The following CYP2C8 variants were observed in gnomAD, a reference collection of about 807,000 sequenced individuals.
CYP2C8 encodes the protein cytochrome P450 family 2 subfamily C member 8, also known as cytochrome P450 2C8.
CYP2C8 carries 51 observed loss-of-function variants against 41.3 expected under a neutral mutation model. The ratio of observed to expected loss-of-function variants is 1.24; its 90% CI spans 0.99 to 1.56. CYP2C8 has a LOEUF of 1.56. CYP2C8 is among the 40% of genes most tolerant of loss of function. CYP2C8 has a pLI of 0.00. For synonymous variants in CYP2C8, 218 were observed against 205.8 expected (o/e 1.06, Z -0.51); for missense variants, 651 against 579.9 (o/e 1.12, Z -1.26).
At chr10:95,041,065 C>G (rs1469340665) in intron 7 of CYP2C8, 1 of 439,344 alleles carries the variant, frequency 2.3e-6, no homozygotes, top group East Asian at 7.0e-5. Flanking sequence ...TTTGTGTATA[C>G]TTATGTATAT....
In CYP2C8 at chr10:95,043,088, A is replaced by G. The variant is rs773306955; in HGVS notation, c.962-11T>C. 1.9e-6 allele frequency: 3 copies of G among 1,613,788 alleles called. No homozygotes were observed. Among genetic ancestry groups the G allele is most frequent in the Middle Eastern group, 1.6e-4 (1 of 6,062 alleles). ...CTTCCTGGACTTTAGCTGACAAGAC[A>G]CAAGAAAGAACTGATGGAAACGAAG... is the stretch of plus-strand genomic sequence containing the variant. On this transcript the variant is annotated splice_polypyrimidine_tract_variant and intron_variant, in intron 6 of 8. Coordinates refer to ENST00000371270, the MANE Select transcript of CYP2C8 (RefSeq NM_000770.3).
rs1309872949 is a variant in CYP2C8, at chr10:95,037,037, G to C, written c.*91C>G. 1 of 1,195,042 alleles carries C rather than the reference G, an allele frequency of 8.4e-7. No homozygotes were observed. The highest frequency in any genetic ancestry group is 1.2e-6 in the Non-Finnish European group (1 of 806,956). 74.0% of individuals were successfully genotyped at this position (1,195,042 alleles called of 1,614,324 possible). On this transcript the variant is annotated 3_prime_UTR_variant, in exon 9 of 9. Transcript: ENST00000371270. ...TTGAGTGAATGGGAAGATTTGATGA[G>C]AGGTCAGAGAAGACATAATAGTGGG...
chr10:95,042,421 T>G (rs919446203), intron 7 of CYP2C8, among the ~76,000 whole-genome samples: 1 of 151,886 alleles, frequency 6.6e-6, no homozygotes, highest in Admixed American at 6.6e-5. Context: ...AATTAAAAAA[T>G]TATAACACAA....
chr10:95,064,057 G>C (rs2033500687), intron 4 of CYP2C8, among the ~76,000 whole-genome samples: 1 of 152,208 alleles, frequency 6.6e-6, no homozygotes, highest in Admixed American at 6.5e-5. Context: ...GTGCCTCCCA[G>C]TTAGGCTATT....
chr10:95,043,052 A>G lies in CYP2C8; in HGVS notation c.987T>C (p.His329=). 6.2e-7 allele frequency: 1 copy of G among 1,614,232 alleles called. No individual in the cohort carries two copies. Among genetic ancestry groups the G allele is most frequent in the Non-Finnish European group, 8.5e-7 (1 of 1,180,032 alleles). ...VTAKVQEEID[H]VIGRHRSPCM... is the part of the protein sequence containing the mutation. ...AGGGGCTCCTGTGTCTGCCAATTAC[A>G]TGATCAATCTCTTCCTGGACTTTAG... The change falls in exon 7 of 9, where the codon CAT becomes CAC. Residue 329 remains histidine (H), a synonymous_variant. Coordinates refer to ENST00000371270, the MANE Select transcript of CYP2C8 (RefSeq NM_000770.3).
At position 95,041,783 on chromosome 10, in the gene CYP2C8, G is replaced by A. The variant is rs1330797523; in HGVS notation, c.1149+1107C>T. 4.2e-3 allele frequency among the ~76,000 whole-genome samples: 224 copies of A among 52,816 alleles called. 1 individual carries two copies. The highest frequency in any genetic ancestry group is 0.016 in the African/African-American group (199 of 12,638). 34.6% of individuals were successfully genotyped at this position (52,816 alleles called of 152,430 possible). ...AGCCTGGGCGACAGAGCGAGACTCC[G>A]TCTCAAAAAAAAAAAAAAAAAAAAA... On this transcript the variant is annotated intron_variant, in intron 7 of 8. Coordinates refer to ENST00000371270, the MANE Select transcript of CYP2C8 (RefSeq NM_000770.3).
chr10:95,040,017 T>C (rs11572169), intron 7 of CYP2C8, among the ~76,000 whole-genome samples: 12,148 of 152,200 alleles, frequency 0.08, 609 homozygotes, highest in Middle Eastern at 0.16. Context: ...AAAGGAACTT[T>C]CCTTGATTAC....
intron 3 of CYP2C8, among the ~76,000 whole-genome samples, chr10:95,065,460 G>A (rs138880305): frequency 2.0e-5 from 3 of 152,274 alleles, no homozygotes; most frequent in East Asian, 3.9e-4. Context: ...AATGTGAAAA[G>A]CAAGTACATC....
chr10:95,062,617 A>G (rs1205862615), intron 4 of CYP2C8, among the ~76,000 whole-genome samples: 3 of 152,046 alleles, frequency 2.0e-5, no homozygotes, highest in African/African-American at 7.2e-5. Flanking sequence ...GTGTCTTTTA[A>G]TTGGAGCGTT....
At chr10:95,037,452 G>C (rs777320933) in intron 8 of CYP2C8, 143 bp from the exon 9 acceptor site, 54 of 723,994 alleles carry the variant, frequency 7.5e-5, no homozygotes, top group Non-Finnish European at 1.2e-4. Flanking sequence ...GTGGATGAAT[G>C]GATGGATGAC....
chr10:95,061,937 T>C (rs537547222), intron 4 of CYP2C8, among the ~76,000 whole-genome samples: 91 of 152,334 alleles, frequency 6.0e-4, no homozygotes, highest in Non-Finnish European at 1.0e-3. Flanking sequence ...AGTGTCCATG[T>C]AGTTGAGTGG....
At position 95,064,890 on chromosome 10, in the gene CYP2C8, C is replaced by G; in HGVS notation, c.552G>C (p.Gln184His). ...TCTGATCTTTATAATCAAATCGTTTCTGGAAAACAACGGAGCAGATCACAT... is the reference window on the plus strand; with the variant it reads ...TCTGATCTTTATAATCAAATCGTTTGTGGAAAACAACGGAGCAGATCACAT... ...PCNVICSVVF[Q>H]KRFDYKDQNF... is the part of the protein sequence containing the mutation. Residue 184 changes from glutamine (Q) to histidine (H), a missense_variant, in exon 4 of 9, where the codon CAG (glutamine) becomes CAC (histidine). Transcript: ENST00000371270. The G allele has an allele frequency of 3.1e-6, 5 of 1,613,702 alleles. No individual in the cohort carries two copies. Among genetic ancestry groups the G allele is most frequent in the Non-Finnish European group, 4.2e-6 (5 of 1,179,984 alleles).
chr10:95,064,971 A>T lies in CYP2C8; in HGVS notation c.482-11T>A. 6.9e-7 allele frequency: 1 copy of T among 1,448,156 alleles called. No homozygotes were observed. The highest frequency in any genetic ancestry group is 1.5e-5 in the African/African-American group (1 of 68,960). The allele number at this position is 1,448,156 out of a possible 1,614,324, so 89.7% of individuals were successfully genotyped here. ...GATCACAGGGTGAAGCTAAAGATTTAAAAATTTTTAAAAAAATTATTAAAA... is the reference window on the plus strand; with the variant it reads ...GATCACAGGGTGAAGCTAAAGATTTTAAAATTTTTAAAAAAATTATTAAAA... On this transcript the variant is annotated splice_polypyrimidine_tract_variant and intron_variant, in intron 3 of 8. Transcript: ENST00000371270.
At chr10:95,041,057 T>G in intron 7 of CYP2C8, 1 of 449,400 alleles carries the variant, frequency 2.2e-6, no homozygotes, top group South Asian at 1.6e-5. Flanking sequence ...TCCAGCTGTT[T>G]GTGTATACTT....
At chr10:95,061,618 GT>G (rs1254638581) in intron 4 of CYP2C8, among the ~76,000 whole-genome samples, 5 of 152,010 alleles carry the variant, frequency 3.3e-5, no homozygotes, top group Non-Finnish European at 5.9e-5. Flanking sequence ...TTTTTGAAGG[GT>G]TTTTTGTGTC....
chr10:95,047,675 G>A (rs2033136254), intron 5 of CYP2C8, among the ~76,000 whole-genome samples: 1 of 152,158 alleles, frequency 6.6e-6, no homozygotes, highest in Non-Finnish European at 1.5e-5. Flanking sequence ...GCCTATATTG[G>A]ATAAAGAAGA....
intron 5 of CYP2C8, 127 bp downstream of exon 5, chr10:95,058,208 G>A (rs11572105): frequency 4.8e-5 from 66 of 1,382,130 alleles, no homozygotes; most frequent in South Asian, 3.1e-4. Context: ...AATACAATAA[G>A]TAATTAAGAT....
chr10:95,066,428 A>G (rs1681726367), intron 3 of CYP2C8, among the ~76,000 whole-genome samples: 1 of 152,134 alleles, frequency 6.6e-6, no homozygotes, highest in South Asian at 2.1e-4. Context: ...TAAAGAAGAC[A>G]GGATAAAGAG....
At position 95,039,008 on chromosome 10, in the gene CYP2C8, CG is replaced by C. The variant is rs774216153; in HGVS notation, c.1179del (p.Val394CysfsTer20). On this transcript the variant is annotated frameshift_variant, in exon 8 of 9. Transcript: ENST00000371270. LOFTEE classifies it high-confidence loss of function. ...KGTTIMALLTSVLHDDKEFPN... is the reference protein window; with the variant it reads ...KGTTIMALLTXVLHDDKEFPN... The stretch of plus-strand genomic sequence containing the variant: ...GGAAATTCTTTGTCATCATGTAGCA[CG>C]GAAGTCAGTAATGCCATTATGGTTG... 4 of 1,613,566 alleles carry C rather than the reference CG, an allele frequency of 2.5e-6. No homozygotes were observed. In the South Asian group the frequency reaches 3.3e-5, roughly 13 times the overall value.
Sources: allele counts gnomAD v4.1 joint callset (sites outside exome capture counted in the v4.1 genomes callset), GRCh38; gene constraint gnomAD v4.1.1; transcripts MANE v1.5; gene names NCBI Gene and HGNC (gene_info 2026-07-23, HGNC 2026-07-21).